The following PAPPA2 variants were observed in gnomAD, a reference collection of about 807,000 sequenced individuals.
PAPPA2 encodes the protein pappalysin 2.
PAPPA2 carries 86 observed loss-of-function variants against 176.4 expected under a neutral mutation model. The observed-to-expected ratio is 0.49, with a 90% confidence interval of 0.41 to 0.58. PAPPA2 has a LOEUF of 0.58. PAPPA2 is among the 20% of genes least tolerant of loss of function. The pLI is 0.00. For synonymous variants in PAPPA2, 809 were observed against 852.2 expected, an observed-to-expected ratio of 0.95 and a Z score of 0.88; for missense variants, 2,073 against 2,256.9, an observed-to-expected ratio of 0.92 and a Z score of 1.65.
At chr1:176,477,815 A>T (rs1353500445) in intron 1 of PAPPA2, among the ~76,000 whole-genome samples, 1 of 152,182 alleles carries the variant, frequency 6.6e-6, no homozygotes, top group Non-Finnish European at 1.5e-5. Flanking sequence ...TGGCCTAGAC[A>T]TACAAAATTA....
intron 3 of PAPPA2, among the ~76,000 whole-genome samples, chr1:176,611,652 G>C (rs958705077): frequency 2.6e-5 from 4 of 152,140 alleles, no homozygotes; most frequent in African/African-American, 9.7e-5. Flanking sequence ...GATATGTAAT[G>C]GAGATGTCCT....
chr1:176,745,514 A>ACCAT (rs1206743499), intron 14 of PAPPA2, among the ~76,000 whole-genome samples: 1 of 152,210 alleles, frequency 6.6e-6, no homozygotes, highest in Non-Finnish European at 1.5e-5. Context: ...TAACCCCAGT[A>ACCAT]CCATCCCATC....
In PAPPA2 at chr1:176,555,740, T is replaced by C. The variant is rs892445839; in HGVS notation, c.-583T>C. 1 of 152,318 alleles carries C rather than the reference T, an allele frequency of 6.6e-6. No individual in the cohort carries two copies. Among genetic ancestry groups the C allele is most frequent in the Non-Finnish European group, 1.5e-5 (1 of 68,120 alleles). 9.4% of individuals were successfully genotyped at this position (152,318 alleles called of 1,614,324 possible). ...ATTGCGTGTCTCTGTGTAAAAGTTC[T>C]AGCAATTTGTTTTAAGGTGAACTTA... On this transcript the variant is annotated 5_prime_UTR_variant, in exon 2 of 23. Coordinates refer to ENST00000367662, the MANE Select transcript of PAPPA2 (RefSeq NM_020318.3).
chr1:176,671,358 T>C (rs1658987626), intron 4 of PAPPA2, among the ~76,000 whole-genome samples: 1 of 152,208 alleles, frequency 6.6e-6, no homozygotes. Flanking sequence ...ATCTATAATT[T>C]AGATGCAAAT....
chr1:176,624,970 G>T (rs1276450722), intron 3 of PAPPA2, among the ~76,000 whole-genome samples: 1 of 152,164 alleles, frequency 6.6e-6, no homozygotes, highest in Non-Finnish European at 1.5e-5. Flanking sequence ...TGGCCAAGGG[G>T]CACTGAGCCT....
chr1:176,486,318 TA>T (rs1195137103), intron 1 of PAPPA2, among the ~76,000 whole-genome samples: 1 of 152,184 alleles, frequency 6.6e-6, no homozygotes, highest in Non-Finnish European at 1.5e-5. Context: ...ATCAAAGAAT[TA>T]ATGTCTTCTT....
intron 9 of PAPPA2, among the ~76,000 whole-genome samples, chr1:176,703,688 T>G (rs997668846): frequency 6.6e-6 from 1 of 152,194 alleles, no homozygotes; most frequent in East Asian, 1.9e-4. Flanking sequence ...ACATTGTTTA[T>G]CTCCTCAATC....
intron 14 of PAPPA2, among the ~76,000 whole-genome samples, chr1:176,753,554 C>CTTT (rs77817405): frequency 4.1e-5 from 3 of 73,512 alleles, no homozygotes; most frequent in African/African-American, 6.7e-5. Flanking sequence ...AAGGCTCCTC[C>CTTT]TTTTTTTTTT....
rs762510082 is a variant in PAPPA2, at chr1:176,498,751, C to CACAAAAAAAAAAAAAAAAAAA, written c.-917+35334_-917+35335insCAAAAAAAAAAAAAAAAAAAA. Among the ~76,000 whole-genome samples, 276 of 111,894 alleles carry CACAAAAAAAAAAAAAAAAAAA rather than the reference C, an allele frequency of 2.5e-3. 8 individuals are homozygous for CACAAAAAAAAAAAAAAAAAAA. The highest frequency in any genetic ancestry group is 0.02 in the Middle Eastern group (4 of 204). The allele number at this position is 111,894 out of a possible 152,430, so 73.4% of individuals were successfully genotyped here. ...GGCGACAGAGCGAGACTCTTACCTC[C>CACAAAAAAAAAAAAAAAAAAA]AAAAAAAAAAAAAAAGAAGAAGAAA... On this transcript the variant is annotated intron_variant, in intron 1 of 22. Coordinates refer to ENST00000367662, the MANE Select transcript of PAPPA2 (RefSeq NM_020318.3).
Position 176,699,122 on chromosome 1 carries a change from C to T in PAPPA2, c.2769C>T (p.Pro923=), listed in dbSNP as rs1660522116. The T allele has an allele frequency of 6.2e-7, 1 of 1,613,720 alleles. No individual in the cohort carries two copies. Among genetic ancestry groups the T allele is most frequent in the Admixed American group, 1.7e-5 (1 of 60,010 alleles). Residue 923 remains proline (P), a synonymous_variant, in exon 8 of 23, where the codon CCC becomes CCT. Coordinates refer to ENST00000367662, the MANE Select transcript of PAPPA2 (RefSeq NM_020318.3). ...CAGGGCCTCCTGATGTGGATCAGCC[C>T]TGCGAGCCAAGCTTACAGGCCTGGA... is the stretch of plus-strand genomic sequence containing the variant. ...EAVGPPDVDQ[P]CEPSLQAWSP...
chr1:176,793,535 C>A, intron 19 of PAPPA2, 25 bp from the exon 20 acceptor site: 1 of 1,559,442 alleles, frequency 6.4e-7, no homozygotes, highest in Non-Finnish European at 8.8e-7. Flanking sequence ...GTTCAAGTCT[C>A]TGCTGTAAAC....
chr1:176,463,991 G>A (rs1023157914), intron 1 of PAPPA2, among the ~76,000 whole-genome samples: 1 of 152,080 alleles, frequency 6.6e-6, no homozygotes, highest in Non-Finnish European at 1.5e-5. Context: ...AAGCAGTGAG[G>A]GAGGATATAA....
At chr1:176,759,807 G>T (rs1042880295) in intron 14 of PAPPA2, among the ~76,000 whole-genome samples, 11 of 152,178 alleles carry the variant, frequency 7.2e-5, no homozygotes, top group Non-Finnish European at 1.6e-4. Context: ...TGCAAATAAT[G>T]ATGTCTTTTT....
chr1:176,693,545 CT>C (rs1660222530), intron 6 of PAPPA2, among the ~76,000 whole-genome samples: 1 of 152,238 alleles, frequency 6.6e-6, no homozygotes. Context: ...TGCCCTTCAG[CT>C]TTGCTGAAAG....
chr1:176,741,938 T>A (rs923070010), intron 14 of PAPPA2, among the ~76,000 whole-genome samples: 1 of 152,176 alleles, frequency 6.6e-6, no homozygotes, highest in Non-Finnish European at 1.5e-5. Flanking sequence ...CCCTGAAACA[T>A]GTGTTCTTGG....
At chr1:176,504,545 C>CT (rs1648144520) in intron 1 of PAPPA2, among the ~76,000 whole-genome samples, 1 of 152,142 alleles carries the variant, frequency 6.6e-6, no homozygotes, top group South Asian at 2.1e-4. Flanking sequence ...TAAGCACAGA[C>CT]TGTGTTCAGG....
intron 4 of PAPPA2, among the ~76,000 whole-genome samples, chr1:176,675,915 G>T (rs1028879510): frequency 6.6e-6 from 1 of 152,002 alleles, no homozygotes; most frequent in African/African-American, 2.4e-5. Context: ...TTAGAAATAG[G>T]CAAAGGCGTG....
At chr1:176,789,016 A>G (rs2102935362) in intron 17 of PAPPA2, among the ~76,000 whole-genome samples, 1 of 152,268 alleles carries the variant, frequency 6.6e-6, no homozygotes, top group South Asian at 2.1e-4. Flanking sequence ...ATGTGTGATA[A>G]CCTTTTTTGT....
At chr1:176,539,642 T>C (rs981882484) in intron 1 of PAPPA2, among the ~76,000 whole-genome samples, 1 of 152,082 alleles carries the variant, frequency 6.6e-6, no homozygotes, top group African/African-American at 2.4e-5. Context: ...CCTAACAAGC[T>C]ATAGTATGCT....
Sources: gnomAD v4.1 joint callset for allele counts (sites outside exome capture counted in the v4.1 genomes callset) on GRCh38, gnomAD v4.1.1 for gene constraint, MANE v1.5 for transcripts, NCBI Gene and HGNC (gene_info 2026-07-23, HGNC 2026-07-21) for gene names.